RERE: variants seen among roughly 807,000 people sequenced by gnomAD.
RERE encodes the protein arginine-glutamic acid dipeptide repeats protein.
RERE carries 40 observed loss-of-function variants against 146.1 expected under a neutral mutation model. That is an observed-to-expected ratio of 0.27 (90% CI 0.21 to 0.36). RERE has a LOEUF of 0.36. Ranked by LOEUF, RERE falls within the 10% of genes least tolerant of loss-of-function variation. The pLI, the probability that RERE is intolerant of heterozygous loss-of-function variation, is 1.00. For missense variants in RERE, 1,933 were observed against 2,138.7 expected, an observed-to-expected ratio of 0.90 and a Z score of 1.90; for synonymous variants, 1,003 against 866.0, an observed-to-expected ratio of 1.16 and a Z score of -2.78.
intron 1 of RERE, among the ~76,000 whole-genome samples, chr1:8,731,380 A>G (rs569913899): frequency 1.3e-5 from 2 of 152,312 alleles, no homozygotes; most frequent in East Asian, 3.9e-4. Flanking sequence ...AAGAAAAACT[A>G]CTTCGCAGGA....
At chr1:8,467,641 TTTTA>T (rs763666046) in intron 10 of RERE, among the ~76,000 whole-genome samples, 2 of 152,210 alleles carry the variant, frequency 1.3e-5, no homozygotes, top group Non-Finnish European at 2.9e-5. Context: ...ATTCATTTTC[TTTTA>T]TTTTTTTCTT....
chr1:8,539,410 T>G (rs935251839), intron 7 of RERE, among the ~76,000 whole-genome samples: 23 of 152,266 alleles, frequency 1.5e-4, no homozygotes, highest in African/African-American at 3.9e-4. Context: ...TCCTTTTTTT[T>G]TTCTTTTTTT....
intron 7 of RERE, among the ~76,000 whole-genome samples, chr1:8,539,836 G>A (rs1056478995): frequency 6.6e-6 from 1 of 152,120 alleles, no homozygotes; most frequent in Admixed American, 6.5e-5. Flanking sequence ...GAGAGGAAGA[G>A]AGGGAGACAG....
At chr1:8,643,886 C>A (rs1312723962) in intron 2 of RERE, among the ~76,000 whole-genome samples, 1 of 151,964 alleles carries the variant, frequency 6.6e-6, no homozygotes, top group Non-Finnish European at 1.5e-5. Flanking sequence ...CTATTTTTTT[C>A]CTTTCCTGCT....
intron 8 of RERE, among the ~76,000 whole-genome samples, 167 bp downstream of exon 8, chr1:8,508,460 G>A (rs1187513518): frequency 6.6e-6 from 1 of 152,018 alleles, no homozygotes; most frequent in Non-Finnish European, 1.5e-5. Flanking sequence ...AATGGGAGAT[G>A]GTAAATGTAT....
At chr1:8,758,768 G>T (rs1640696961) in intron 1 of RERE, among the ~76,000 whole-genome samples, 1 of 151,532 alleles carries the variant, frequency 6.6e-6, no homozygotes, top group Non-Finnish European at 1.5e-5. Context: ...AAGTTCAAGA[G>T]ATCAGCTTTA....
Position 8,365,981 on chromosome 1 carries a change from A to C in RERE, c.1285-7T>G, listed in dbSNP as rs1230617353. 6.2e-7 allele frequency: 1 copy of C among 1,612,408 alleles called. No individual in the cohort carries two copies. The highest frequency in any genetic ancestry group is 2.2e-5 in the East Asian group (1 of 44,888). ...AGAAGGTGATCAGCTCCCCCTGCAGAAGAGAAGGGCTGACTGTGGGGGAGG... is the reference window on the plus strand; with the variant it reads ...AGAAGGTGATCAGCTCCCCCTGCAGCAGAGAAGGGCTGACTGTGGGGGAGG... On this transcript the variant is annotated splice_polypyrimidine_tract_variant and splice_region_variant and intron_variant, in intron 12 of 22. Coordinates refer to ENST00000400908, the MANE Select transcript of RERE (RefSeq NM_001042681.2).
intron 1 of RERE, among the ~76,000 whole-genome samples, chr1:8,682,402 G>C (rs934439982): frequency 1.3e-5 from 2 of 152,114 alleles, no homozygotes; most frequent in Non-Finnish European, 2.9e-5. Context: ...CCTGTTCTGA[G>C]GTACTATGAA....
intron 3 of RERE, among the ~76,000 whole-genome samples, chr1:8,617,578 A>C (rs1400061072): frequency 2.0e-5 from 3 of 152,228 alleles, no homozygotes; most frequent in African/African-American, 7.2e-5. Flanking sequence ...CCAAGAAAGT[A>C]AAGAGAAGAA....
intron 1 of RERE, among the ~76,000 whole-genome samples, chr1:8,795,436 T>C (rs1318659851): frequency 1.3e-5 from 2 of 152,016 alleles, no homozygotes; most frequent in African/African-American, 4.8e-5. Flanking sequence ...TAGCTGGAAC[T>C]ATAGACATGC....
chr1:8,658,650 G>A (rs893372380), intron 1 of RERE, among the ~76,000 whole-genome samples: 8 of 151,890 alleles, frequency 5.3e-5, no homozygotes, highest in Admixed American at 1.3e-4. Flanking sequence ...CCAGCTACTC[G>A]GGAGGCTGAG....
intron 1 of RERE, among the ~76,000 whole-genome samples, chr1:8,808,660 A>G (rs1346066299): frequency 6.6e-6 from 1 of 152,154 alleles, no homozygotes; most frequent in Non-Finnish European, 1.5e-5. Context: ...TTGAGTCTAG[A>G]GCTCTTAACA....
chr1:8,747,538 G>T (rs1209861136), intron 1 of RERE, among the ~76,000 whole-genome samples: 2 of 151,820 alleles, frequency 1.3e-5, no homozygotes, highest in Non-Finnish European at 2.9e-5. Context: ...ATCAACACAT[G>T]ATATTCATAC....
At chr1:8,728,776 A>G (rs1640023227) in intron 1 of RERE, among the ~76,000 whole-genome samples, 1 of 152,252 alleles carries the variant, frequency 6.6e-6, no homozygotes, top group Non-Finnish European at 1.5e-5. Flanking sequence ...GATAAAAACG[A>G]TGGCATCCTT....
At chr1:8,372,111 T>C (rs1181754636) in intron 12 of RERE, among the ~76,000 whole-genome samples, 2 of 151,170 alleles carry the variant, frequency 1.3e-5, no homozygotes, top group African/African-American at 4.9e-5. Context: ...CATGGGGGAG[T>C]GAAAGAGTAG....
At chr1:8,557,649 C>G (rs900922620) in intron 4 of RERE, 126 bp from the exon 5 acceptor site, 9 of 681,300 alleles carry the variant, frequency 1.3e-5, no homozygotes, top group Admixed American at 2.4e-5. Flanking sequence ...CAATTACCAT[C>G]AGGACCACAA....
At position 8,423,308 on chromosome 1, in the gene RERE, C is replaced by T. The variant is rs1643941642; in HGVS notation, c.1204-501G>A. On this transcript the variant is annotated intron_variant, in intron 11 of 22. Transcript: ENST00000400908. This position sits in a 1 kb window ranked among gnomAD's most constrained non-coding sequence, Gnocchi z 5.4. The stretch of plus-strand genomic sequence containing the variant: ...GAATTTGCCAGGAGGCACCGGAAGG[C>T]ACCAGTATCACAGAAGCCCACCGGG... 1 of 154,622 alleles carries T rather than the reference C, an allele frequency of 6.5e-6. No homozygotes were observed. Among genetic ancestry groups the T allele is most frequent in the Non-Finnish European group, 1.4e-5 (1 of 70,130 alleles). The allele number at this position is 154,622 out of a possible 1,614,324, so 9.6% of individuals were successfully genotyped here.
At chr1:8,809,151 A>AT (rs1011452151) in intron 1 of RERE, among the ~76,000 whole-genome samples, 2 of 151,038 alleles carry the variant, frequency 1.3e-5, no homozygotes, top group African/African-American at 4.9e-5. Flanking sequence ...AAAAAAAAAA[A>AT]AAAAAAAAAG....
intron 12 of RERE, among the ~76,000 whole-genome samples, chr1:8,377,952 A>T (rs892708235): frequency 6.6e-6 from 1 of 152,208 alleles, no homozygotes; most frequent in Non-Finnish European, 1.5e-5. Flanking sequence ...GGAAGCATGT[A>T]ATGACTGCCA....
Sources: allele counts gnomAD v4.1 joint callset (sites outside exome capture counted in the v4.1 genomes callset), GRCh38; gene constraint gnomAD v4.1.1; non-coding constraint Gnocchi (gnomAD v3.1); transcripts MANE v1.5; gene names NCBI Gene and HGNC (gene_info 2026-07-23, HGNC 2026-07-21).